ETFA: variants seen among roughly 807,000 people sequenced by gnomAD.
The protein encoded by ETFA is electron transfer flavoprotein subunit alpha, also known as electron transfer flavoprotein subunit alpha, mitochondrial.
A neutral mutation model predicts 46.2 loss-of-function variants in ETFA; 22 were observed. That is an observed-to-expected ratio of 0.48 (90% CI 0.34 to 0.68). The LOEUF (loss-of-function observed/expected upper bound fraction) is 0.68, where lower values mean the gene tolerates loss of function less well. Among genes scored for constraint, ETFA ranks in the 30% least tolerant of loss-of-function variants. ETFA has a pLI of 0.01. For synonymous variants in ETFA, 131 were observed against 139.9 expected, an observed-to-expected ratio of 0.94 and a Z score of 0.45; for missense variants, 345 against 401.1, an observed-to-expected ratio of 0.86 and a Z score of 1.19.
chr15:76,304,158 G>A (rs1356889679), intron 1 of ETFA, among the ~76,000 whole-genome samples: 2 of 152,138 alleles, frequency 1.3e-5, no homozygotes, highest in African/African-American at 2.4e-5. Flanking sequence ...CAGTGCTGGA[G>A]GCCATTATCC....
At chr15:76,267,147 A>T (rs1033860535) in intron 9 of ETFA, among the ~76,000 whole-genome samples, 9 of 152,230 alleles carry the variant, frequency 5.9e-5, no homozygotes, top group African/African-American at 2.2e-4. Context: ...AGAACGAATT[A>T]ATCTGATACA....
chr15:76,240,918 A>T (rs866598091), intron 9 of ETFA, among the ~76,000 whole-genome samples: 43 of 151,220 alleles, frequency 2.8e-4, no homozygotes, highest in African/African-American at 8.7e-4. Flanking sequence ...CACCTCTAAA[A>T]ATATTAATAA....
chr15:76,301,752 A>T (rs1567221213), intron 1 of ETFA, among the ~76,000 whole-genome samples: 1 of 152,188 alleles, frequency 6.6e-6, no homozygotes, highest in African/African-American at 2.4e-5. Flanking sequence ...CATCAAAGGA[A>T]TGAGAACACA....
intron 9 of ETFA, among the ~76,000 whole-genome samples, chr15:76,236,288 G>A (rs977728219): frequency 6.6e-6 from 1 of 152,126 alleles, no homozygotes; most frequent in African/African-American, 2.4e-5. Context: ...TATCTTGTAA[G>A]CCACATATTT....
chr15:76,282,455 C>A (rs533768373), intron 8 of ETFA, among the ~76,000 whole-genome samples: 1 of 152,242 alleles, frequency 6.6e-6, no homozygotes, highest in Non-Finnish European at 1.5e-5. Flanking sequence ...TTTAAGCCAC[C>A]AAGTTTGTAG....
At chr15:76,256,425 T>C (rs562087248) in intron 9 of ETFA, among the ~76,000 whole-genome samples, 8 of 152,214 alleles carry the variant, frequency 5.3e-5, no homozygotes, top group Non-Finnish European at 1.0e-4. Flanking sequence ...GTTTAATAGT[T>C]TGAGTTGCAA....
At chr15:76,241,801 C>CA (rs1165964434) in intron 9 of ETFA, among the ~76,000 whole-genome samples, 1,442 of 30,274 alleles carry the variant, frequency 0.048, 63 homozygotes, top group Middle Eastern at 0.1. Flanking sequence ...GACTCCATCT[C>CA]AAAAAAAAAA....
chr15:76,274,919 T>A (rs1301852732), intron 8 of ETFA, among the ~76,000 whole-genome samples: 3 of 152,190 alleles, frequency 2.0e-5, no homozygotes, highest in African/African-American at 7.2e-5. Context: ...CTTTCTATTC[T>A]CATTCAACAG....
intron 1 of ETFA, among the ~76,000 whole-genome samples, chr15:76,302,337 A>G (rs1412571866): frequency 2.6e-5 from 4 of 152,024 alleles, no homozygotes; most frequent in Non-Finnish European, 5.9e-5. Context: ...AGCAGTAACA[A>G]GAAATGAGAA....
intron 8 of ETFA, among the ~76,000 whole-genome samples, chr15:76,276,411 C>A (rs1006190051): frequency 2.6e-5 from 4 of 151,936 alleles, no homozygotes; most frequent in African/African-American, 4.8e-5. Flanking sequence ...AAATGATAGG[C>A]CTAGTTGAAG....
chr15:76,263,222 C>T (rs923722061), intron 9 of ETFA, among the ~76,000 whole-genome samples: 1 of 152,194 alleles, frequency 6.6e-6, no homozygotes, highest in Non-Finnish European at 1.5e-5. Flanking sequence ...TCCATACTAG[C>T]GTTGGCCCCC....
intron 11 of ETFA, among the ~76,000 whole-genome samples, chr15:76,222,075 T>A (rs2038960675): frequency 1.3e-5 from 2 of 151,928 alleles, no homozygotes; most frequent in South Asian, 4.1e-4. Context: ...TTATTTGACT[T>A]CTATTTTCTT....
intron 9 of ETFA, chr15:76,260,985 G>C (rs1017310608): frequency 1.3e-4 from 211 of 1,609,764 alleles, no homozygotes; most frequent in Non-Finnish European, 1.7e-4. Context: ...GGCCACACTA[G>C]TGTTGCCGCT....
At chr15:76,276,825 C>T (rs2039597559) in intron 8 of ETFA, among the ~76,000 whole-genome samples, 1 of 152,144 alleles carries the variant, frequency 6.6e-6, no homozygotes, top group South Asian at 2.1e-4. Flanking sequence ...ATTTCTAGCC[C>T]TCTGCTTATA....
chr15:76,295,901 T>C (rs1347108689), intron 1 of ETFA, among the ~76,000 whole-genome samples, 164 bp from the exon 2 acceptor site: 1 of 147,924 alleles, frequency 6.8e-6, no homozygotes, highest in Non-Finnish European at 1.5e-5. Context: ...AGCGAAAATC[T>C]AGCTATTTGT....
At chr15:76,256,685 A>G (rs2039348463) in intron 9 of ETFA, among the ~76,000 whole-genome samples, 1 of 152,242 alleles carries the variant, frequency 6.6e-6, no homozygotes, top group Non-Finnish European at 1.5e-5. Flanking sequence ...TGAGTGATGC[A>G]CCACATAACA....
At chr15:76,232,937 A>G (rs2039084567) in intron 9 of ETFA, among the ~76,000 whole-genome samples, 1 of 152,360 alleles carries the variant, frequency 6.6e-6, no homozygotes, top group African/African-American at 2.4e-5. Context: ...TAAAGTGTCC[A>G]ACTGCTCCTA....
rs746786188 is a variant in ETFA, at chr15:76,216,527, C to G, written c.*32G>C. On this transcript the variant is annotated 3_prime_UTR_variant, in exon 12 of 12. Coordinates refer to ENST00000557943, the MANE Select transcript of ETFA (RefSeq NM_000126.4). ...CTGTGATTTCAGTGGAATACTTTAA[C>G]AAAAGTTTTCTTTTTAAGGCATGAT... 7.5e-7 allele frequency: 1 copy of G among 1,340,294 alleles called. No homozygotes were observed. The highest frequency in any genetic ancestry group is 1.1e-6 in the Non-Finnish European group (1 of 930,998). The allele number at this position is 1,340,294 out of a possible 1,614,324, so 83.0% of individuals were successfully genotyped here.
At chr15:76,221,074 C>A (rs1307774206) in intron 11 of ETFA, among the ~76,000 whole-genome samples, 1 of 152,078 alleles carries the variant, frequency 6.6e-6, no homozygotes. Flanking sequence ...GGGAAAAACC[C>A]AACATGTCCA....
Sources: gnomAD v4.1 joint callset for allele counts (sites outside exome capture counted in the v4.1 genomes callset) on GRCh38, gnomAD v4.1.1 for gene constraint, MANE v1.5 for transcripts, NCBI Gene and HGNC (gene_info 2026-07-23, HGNC 2026-07-21) for gene names.